The following SLC28A2 variants were observed in gnomAD, a reference collection of about 807,000 sequenced individuals.
SLC28A2 encodes sodium/nucleoside cotransporter 2.
In SLC28A2, 69 loss-of-function variants were observed where a neutral mutation model predicts 72.9. That is an observed-to-expected ratio of 0.95 (90% CI 0.78 to 1.16). SLC28A2 has a LOEUF of 1.16. Ranked by LOEUF, SLC28A2 falls within the 50% of genes most tolerant of loss-of-function variation. The pLI is 0.00. For synonymous variants in SLC28A2, 296 were observed against 294.1 expected, an observed-to-expected ratio of 1.01 and a Z score of -0.07; for missense variants, 745 against 791.1, an observed-to-expected ratio of 0.94 and a Z score of 0.70.
At position 45,272,803 on chromosome 15, in the gene SLC28A2, T is replaced by C. The variant is rs780794670; in HGVS notation, c.1859+19T>C. 7.6e-7 allele frequency: 1 copy of C among 1,316,676 alleles called. No homozygotes were observed. Among genetic ancestry groups the C allele is most frequent in the Middle Eastern group, 1.8e-4 (1 of 5,446 alleles). 81.6% of individuals were successfully genotyped at this position (1,316,676 alleles called of 1,614,324 possible). On this transcript the variant is annotated intron_variant, in intron 17 of 17. Coordinates refer to ENST00000347644, the MANE Select transcript of SLC28A2 (RefSeq NM_004212.4). ...TTCAGAGGTGAGCACCAGGACCCCATTCCTTTCTCTCACACACGGCCCTCA... is the reference window on the plus strand; with the variant it reads ...TTCAGAGGTGAGCACCAGGACCCCACTCCTTTCTCTCACACACGGCCCTCA...
chr15:45,268,154 G>T, intron 12 of SLC28A2, 56 bp from the exon 13 acceptor site: 1 of 1,517,506 alleles, frequency 6.6e-7, no homozygotes, highest in South Asian at 1.2e-5. Context: ...TCTCTTCTCT[G>T]AGGGGCTGAG....
intron 3 of SLC28A2, 74 bp from the exon 4 acceptor site, chr15:45,261,941 C>A: frequency 3.2e-6 from 3 of 951,576 alleles, no homozygotes; most frequent in Non-Finnish European, 5.2e-6. Flanking sequence ...GTTAGGTAAT[C>A]TGAATTCTGA....
rs372277352 is a variant in SLC28A2, at chr15:45,272,380, T to C, written c.1734T>C (p.Ser578=). The C allele has an allele frequency of 6.2e-7, 1 of 1,613,550 alleles. No homozygotes were observed. The highest frequency in any genetic ancestry group is 1.3e-5 in the African/African-American group (1 of 74,896). Residue 578 remains serine (S), a synonymous_variant, in exon 16 of 18, where the codon AGT becomes AGC. Coordinates refer to ENST00000347644, the MANE Select transcript of SLC28A2 (RefSeq NM_004212.4). ...LFTGACVSLI[S]ACMAGILYVP... The stretch of plus-strand genomic sequence containing the variant: ...CAGGGGCCTGTGTATCCCTTATCAG[T>C]GCCTGTATGGCAGGTAGGTGCCTCA...
At position 45,253,202 on chromosome 15, in the gene SLC28A2, G is replaced by C; in HGVS notation, c.-14G>C. ...TTGGCCCTGAATTTGTTTTTCAGTTGAGGAGAACAGGAGATGGAGAAAGCA... is the reference window on the plus strand; with the variant it reads ...TTGGCCCTGAATTTGTTTTTCAGTTCAGGAGAACAGGAGATGGAGAAAGCA... On this transcript the variant is annotated splice_region_variant and 5_prime_UTR_variant, in exon 2 of 18. Coordinates refer to ENST00000347644, the MANE Select transcript of SLC28A2 (RefSeq NM_004212.4). 6.2e-7 allele frequency: 1 copy of C among 1,604,358 alleles called. No homozygotes were observed. The highest frequency in any genetic ancestry group is 1.1e-5 in the South Asian group (1 of 90,510).
chr15:45,266,003 TG>T, intron 9 of SLC28A2, 77 bp from the exon 10 acceptor site: 1 of 1,040,044 alleles, frequency 9.6e-7, no homozygotes, highest in Non-Finnish European at 1.5e-6. Flanking sequence ...ATCAGTAAAG[TG>T]GAGGAGGAGG....
chr15:45,264,524 C>T, intron 6 of SLC28A2, 131 bp from the exon 7 acceptor site: 1 of 649,574 alleles, frequency 1.5e-6, no homozygotes, highest in Non-Finnish European at 2.8e-6. Context: ...TGCCCCTGCT[C>T]CCTATGCCAT....
chr15:45,268,727 T>C (rs1900428489), intron 13 of SLC28A2, among the ~76,000 whole-genome samples: 1 of 152,106 alleles, frequency 6.6e-6, no homozygotes, highest in Non-Finnish European at 1.5e-5. Context: ...CGTATGTTTA[T>C]TGCGGCACTA....
chr15:45,268,468 T>C (rs1900419149), intron 13 of SLC28A2, 90 bp downstream of exon 13: 2 of 1,070,496 alleles, frequency 1.9e-6, no homozygotes, highest in Non-Finnish European at 2.7e-6. Context: ...CACAATGAGA[T>C]ACCATCTCAC....
rs1049239428 is a variant in SLC28A2 at position 45,275,803 on chromosome 15, C to T, written c.*290C>T. The T allele has an allele frequency of 9.7e-6, 2 of 205,856 alleles. No homozygotes were observed. Among genetic ancestry groups the T allele is most frequent in the Non-Finnish European group, 2.0e-5 (2 of 101,504 alleles). The allele number at this position is 205,856 out of a possible 1,614,324, so 12.8% of individuals were successfully genotyped here. On this transcript the variant is annotated 3_prime_UTR_variant, in exon 18 of 18. Transcript: ENST00000347644. ...ACAAAAAATTAGCCGGGAGTGGTGT[C>T]GGGCGACTGTAGTCCCAGCTACTCG...
intron 3 of SLC28A2, chr15:45,255,254 GA>G (rs11381433): frequency 3.7e-4 from 53 of 144,342 alleles, no homozygotes; most frequent in Admixed American, 7.6e-4. Context: ...AGACCGTCTT[GA>G]AAAAAAAAAA....
intron 3 of SLC28A2, among the ~76,000 whole-genome samples, chr15:45,254,807 T>C (rs140563406): frequency 2.6e-5 from 4 of 152,368 alleles, no homozygotes; most frequent in African/African-American, 9.6e-5. Context: ...TTTTATATTA[T>C]CATGTTTTAT....
chr15:45,271,501 C>A (rs1176624566), intron 15 of SLC28A2, among the ~76,000 whole-genome samples: 1 of 151,322 alleles, frequency 6.6e-6, no homozygotes, highest in East Asian at 1.9e-4. Context: ...GATCGAGCCT[C>A]CAGTAAGCTG....
intron 10 of SLC28A2, among the ~76,000 whole-genome samples, chr15:45,266,713 C>G (rs1212324401): frequency 6.6e-6 from 1 of 152,220 alleles, no homozygotes; most frequent in African/African-American, 2.4e-5. Context: ...GTCTTTCTCT[C>G]CCAAGGCTCT....
Position 45,273,241 on chromosome 15 carries a change from A to G in SLC28A2, c.1859+457A>G, listed in dbSNP as rs1311685968. On this transcript the variant is annotated intron_variant, in intron 17 of 17. Coordinates refer to ENST00000347644, the MANE Select transcript of SLC28A2 (RefSeq NM_004212.4). ...GTTATACGTAGACTTAGCAATGGTT[A>G]TAAGTGGCTAAAATATTATAGGCTT... 2.0e-5 allele frequency among the ~76,000 whole-genome samples: 3 copies of G among 152,364 alleles called. No individual in the cohort carries two copies. The East Asian group carries it at 5.8e-4, about 29-fold the overall frequency.
In SLC28A2 at chr15:45,266,168, A is replaced by G; in HGVS notation, c.942+7A>G. 1 of 1,603,398 alleles carries G rather than the reference A, an allele frequency of 6.2e-7. No homozygotes were observed. ...AAACATCTTTGTGGGTATGGTAAGC[A>G]CCTTGAGGACTTTTGGTCTTCTTCC... On this transcript the variant is annotated splice_region_variant and intron_variant, in intron 10 of 17. Transcript: ENST00000347644.
chr15:45,268,781 T>C lies in SLC28A2; in HGVS notation c.1368+403T>C, dbSNP rs367647238. On this transcript the variant is annotated intron_variant, in intron 13 of 17. Coordinates refer to ENST00000347644, the MANE Select transcript of SLC28A2 (RefSeq NM_004212.4). The stretch of plus-strand genomic sequence containing the variant: ...TGGAACCAATCCAAATGTCCAACAA[T>C]GATAGACTGGATTAAGAAAATGTGG... Among the ~76,000 whole-genome samples the C allele has an allele frequency of 5.5e-4, 84 of 152,068 alleles. 1 individual carries two copies. The highest frequency in any genetic ancestry group is 2.0e-3 in the African/African-American group (81 of 41,518).
intron 10 of SLC28A2, among the ~76,000 whole-genome samples, chr15:45,267,198 G>C (rs1900364421): frequency 6.6e-6 from 1 of 152,192 alleles, no homozygotes; most frequent in African/African-American, 2.4e-5. Flanking sequence ...CATGTCAATA[G>C]ATGAAACAAG....
At chr15:45,273,802 TGAA>T (rs1229319776) in intron 17 of SLC28A2, among the ~76,000 whole-genome samples, 1 of 152,084 alleles carries the variant, frequency 6.6e-6, no homozygotes, top group Non-Finnish European at 1.5e-5. Flanking sequence ...AGAGGTGGGG[TGAA>T]GAAGAGGAAG....
chr15:45,254,789 CTA>C (rs1899921563), intron 3 of SLC28A2, among the ~76,000 whole-genome samples: 1 of 152,120 alleles, frequency 6.6e-6, no homozygotes, highest in African/African-American at 2.4e-5. Context: ...TTGCTTCTCT[CTA>C]AAAATTTTTA....
Sources: gnomAD v4.1 joint callset for allele counts (sites outside exome capture counted in the v4.1 genomes callset) on GRCh38, gnomAD v4.1.1 for gene constraint, MANE v1.5 for transcripts, NCBI Gene and HGNC (gene_info 2026-07-23, HGNC 2026-07-21) for gene names.